The following DDIAS variants were observed in gnomAD, a reference collection of about 807,000 sequenced individuals.
The protein encoded by DDIAS is DNA damage induced apoptosis suppressor, also known as DNA damage-induced apoptosis suppressor protein.
A neutral mutation model predicts 15.7 loss-of-function variants in DDIAS; 14 were observed. The observed-to-expected ratio is 0.89, with a 90% CI of 0.59 to 1.39. DDIAS has a LOEUF of 1.39. Among genes scored for constraint, DDIAS ranks in the 40% most tolerant of loss-of-function variants. The probability of loss-of-function intolerance (pLI) is 0.00; values close to 1 mark genes in which losing one functional copy is unlikely to be tolerated. For missense variants in DDIAS, 1,035 were observed against 1,130.9 expected (o/e 0.92, Z 1.22); for synonymous variants, 355 against 395.9 (o/e 0.90, Z 1.23).
rs1861080945 is a variant in DDIAS, at chr11:82,934,576, A to AATATTGTTAAG, written c.*244_*254dup. The AATATTGTTAAG allele has an allele frequency of 8.1e-6, 3 of 368,670 alleles. No homozygotes were observed. The East Asian group carries it at 1.2e-4, about 15-fold the overall frequency. 22.8% of individuals were successfully genotyped at this position (368,670 alleles called of 1,614,324 possible). The stretch of plus-strand genomic sequence containing the variant: ...CTTATACTGTTTATTGTACTTTAAT[A>AATATTGTTAAG]ATATTGTTAAGATTGTTTTTGAAAG... On this transcript the variant is annotated 3_prime_UTR_variant, in exon 6 of 6. Coordinates refer to ENST00000533655, the MANE Select transcript of DDIAS (RefSeq NM_145018.4).
At chr11:82,917,651 A>C (rs565241614) in intron 3 of DDIAS, among the ~76,000 whole-genome samples, 1 of 152,114 alleles carries the variant, frequency 6.6e-6, no homozygotes, top group Non-Finnish European at 1.5e-5. Flanking sequence ...TTTTCCTCTG[A>C]GTAGATACCC....
intron 3 of DDIAS, among the ~76,000 whole-genome samples, chr11:82,924,114 T>C (rs565688445): frequency 3.1e-4 from 47 of 152,360 alleles, no homozygotes; most frequent in African/African-American, 1.0e-3. Context: ...AAAAAGTTTA[T>C]ATCATTTACT....
intron 3 of DDIAS, among the ~76,000 whole-genome samples, chr11:82,921,569 TTC>T (rs1860749223): frequency 6.9e-6 from 1 of 145,474 alleles, no homozygotes; most frequent in Non-Finnish European, 1.5e-5. Flanking sequence ...TTTTCTTTCT[TTC>T]TTTTTTTTTT....
Position 82,933,865 on chromosome 11 carries a change from T to G in DDIAS, c.2527T>G (p.Ser843Ala). The G allele has an allele frequency of 6.2e-7, 1 of 1,614,080 alleles. No individual in the cohort carries two copies. Among genetic ancestry groups the G allele is most frequent in the Non-Finnish European group, 8.5e-7 (1 of 1,179,988 alleles). The change falls in exon 6 of 6, where the codon TCA (serine) becomes GCA (alanine). Residue 843 changes from serine (S) to alanine (A), a missense_variant. Coordinates refer to ENST00000533655, the MANE Select transcript of DDIAS (RefSeq NM_145018.4). ...KIRSPIVSGV[S>A]QPDVFNHYPF... is the part of the protein sequence containing the mutation. ...CAGAAGCCCTATTGTATCTGGTGTTTCACAACCAGACGTTTTCAATCACTA... is the reference window on the plus strand; with the variant it reads ...CAGAAGCCCTATTGTATCTGGTGTTGCACAACCAGACGTTTTCAATCACTA...
intron 3 of DDIAS, among the ~76,000 whole-genome samples, chr11:82,915,783 C>G (rs1027214146): frequency 3.3e-5 from 5 of 152,128 alleles, no homozygotes; most frequent in Non-Finnish European, 7.4e-5. Flanking sequence ...TAGGTTCACC[C>G]CTTTTCAGGT....
In DDIAS at chr11:82,925,903, G is replaced by A. The variant is rs1020799928; in HGVS notation, c.114-2874G>A. On this transcript the variant is annotated intron_variant, in intron 3 of 5. Transcript: ENST00000533655. ...ATCGGGAGGCTGAGGCAGGAGAATC[G>A]CCTGAACCCAAGAGGTGGAGGTTGC... Among the ~76,000 whole-genome samples the A allele has an allele frequency of 6.0e-5, 9 of 151,202 alleles. No individual in the cohort carries two copies. In the South Asian group the frequency reaches 1.0e-3, roughly 18 times the overall value.
In DDIAS at chr11:82,932,540, C is replaced by T. The variant is rs768893497; in HGVS notation, c.1202C>T (p.Thr401Ile). ...CCTTCGTTACTCAGACTTGAAGAGA[C>T]AGCCAGCAGTTCCCAGGATGGTGAC... is the stretch of plus-strand genomic sequence containing the variant. ...CPPSLLRLEE[T>I]ASSSQDGDPQ... The change falls in exon 6 of 6, where the codon ACA becomes ATA. Residue 401 changes from threonine (T) to isoleucine (I), a missense_variant. By Grantham distance (89) the Thr-to-Ile change is moderately conservative. Transcript: ENST00000533655. 6.2e-7 allele frequency: 1 copy of T among 1,614,200 alleles called. No homozygotes were observed.
At chr11:82,923,917 T>G (rs745886853) in intron 3 of DDIAS, among the ~76,000 whole-genome samples, 1 of 152,214 alleles carries the variant, frequency 6.6e-6, no homozygotes, top group East Asian at 1.9e-4. Context: ...GATTATAAGC[T>G]GGAGAAGGGA....
chr11:82,912,157 C>T (rs1384567131), intron 1 of DDIAS, among the ~76,000 whole-genome samples: 3 of 152,174 alleles, frequency 2.0e-5, no homozygotes, highest in Admixed American at 1.3e-4. Context: ...AGTATCAAGA[C>T]ACCAGCTGCA....
Position 82,932,771 on chromosome 11 carries a change from C to A in DDIAS, c.1433C>A (p.Ala478Asp), listed in dbSNP as rs1265137397. Residue 478 changes from alanine (A) to aspartate (D), a missense_variant, in exon 6 of 6, where the codon GCT (alanine) becomes GAT (aspartate). Transcript: ENST00000533655. Reference sequence around the variant, plus strand: ...GGAGCCCTGCATACACCACCTATAGCTTTAAGATCATCACAAGTAATAGTC... The same window carrying A: ...GGAGCCCTGCATACACCACCTATAGATTTAAGATCATCACAAGTAATAGTC... Reference protein sequence around the residue: ...TTGALHTPPIALRSSQVIVKA... With the variant: ...TTGALHTPPIDLRSSQVIVKA... 1 of 1,613,942 alleles carries A rather than the reference C, an allele frequency of 6.2e-7. No homozygotes were observed.
chr11:82,933,449 G>A lies in DDIAS; in HGVS notation c.2111G>A (p.Trp704Ter). 12 of 1,613,784 alleles carry A rather than the reference G, an allele frequency of 7.4e-6. No homozygotes were observed. Among genetic ancestry groups the A allele is most frequent in the Non-Finnish European group, 9.3e-6 (11 of 1,179,936 alleles). The change falls in exon 6 of 6, where the codon TGG becomes TAG. Residue 704 changes from tryptophan to a stop codon, truncating the protein, a stop_gained. Coordinates refer to ENST00000533655, the MANE Select transcript of DDIAS (RefSeq NM_145018.4). LOFTEE classifies it low-confidence loss of function (END_TRUNC). ...AAATCACAGGATATTTTGTTAAAATGGGGAACATCTTTGGCAGAAAGTCAC... is the reference window on the plus strand; with the variant it reads ...AAATCACAGGATATTTTGTTAAAATAGGGAACATCTTTGGCAGAAAGTCAC... ...TKKSQDILLK[W>*]GTSLAESHPS... is the part of the protein sequence containing the mutation.
intron 3 of DDIAS, among the ~76,000 whole-genome samples, chr11:82,921,498 A>T (rs1446853655): frequency 1.4e-5 from 2 of 144,296 alleles, no homozygotes; most frequent in Non-Finnish European, 3.0e-5. Flanking sequence ...CTTTTAAGAG[A>T]TTCTGTTTTT....
chr11:82,930,392 T>A, intron 5 of DDIAS, 118 bp downstream of exon 5: 1 of 713,680 alleles, frequency 1.4e-6, no homozygotes, highest in African/African-American at 1.8e-5. Flanking sequence ...TAGAAACACT[T>A]TAAACTATGT....
intron 3 of DDIAS, among the ~76,000 whole-genome samples, chr11:82,916,577 C>A (rs1860636197): frequency 6.6e-6 from 1 of 152,150 alleles, no homozygotes; most frequent in South Asian, 2.1e-4. Context: ...TTTTAAAACT[C>A]TTTCTTTCCA....
intron 5 of DDIAS, among the ~76,000 whole-genome samples, chr11:82,930,754 A>AAAG (rs1555025196): frequency 5.5e-4 from 83 of 150,762 alleles, no homozygotes; most frequent in Admixed American, 6.6e-4. Flanking sequence ...GTTAAAAAAA[A>AAAG]AAGAAGTTAC....
At chr11:82,927,800 G>C (rs1860893438) in intron 3 of DDIAS, among the ~76,000 whole-genome samples, 2 of 152,130 alleles carry the variant, frequency 1.3e-5, no homozygotes. Flanking sequence ...AATTATGAGG[G>C]AGAAGCAGAC....
chr11:82,920,003 G>A lies in DDIAS; in HGVS notation c.113+5152G>A, dbSNP rs189680302. 2.9e-3 allele frequency among the ~76,000 whole-genome samples: 449 copies of A among 152,282 alleles called. 1 individual carries two copies. The highest frequency in any genetic ancestry group is 9.6e-3 in the African/African-American group (398 of 41,564). ...CTCCCAAAGCGCTGGGATTACAGGC[G>A]TGAGGCACCACGCCCGGCCTTTTGT... On this transcript the variant is annotated intron_variant, in intron 3 of 5. Coordinates refer to ENST00000533655, the MANE Select transcript of DDIAS (RefSeq NM_145018.4).
Position 82,905,244 on chromosome 11 carries a change from C to T in DDIAS, c.-117+3422C>T, listed in dbSNP as rs142609024. Among the ~76,000 whole-genome samples the T allele has an allele frequency of 8.2e-3, 1,245 of 152,224 alleles. 13 individuals are homozygous for T. The highest frequency in any genetic ancestry group is 0.011 in the Non-Finnish European group (719 of 67,984). ...ACTGAGGCCTTAATTAGTTCTGCCC[C>T]AACACTTACACTTTTGTCCCTCTTT... On this transcript the variant is annotated intron_variant, in intron 1 of 5. Transcript: ENST00000533655.
intron 1 of DDIAS, among the ~76,000 whole-genome samples, chr11:82,905,433 A>G (rs1212529330): frequency 1.3e-5 from 2 of 152,190 alleles, no homozygotes; most frequent in African/African-American, 4.8e-5. Context: ...TTTTCTAATT[A>G]TAAAAGCAAT....
Sources: gnomAD v4.1 joint callset for allele counts (sites outside exome capture counted in the v4.1 genomes callset) on GRCh38, gnomAD v4.1.1 for gene constraint, MANE v1.5 for transcripts, NCBI Gene and HGNC (gene_info 2026-07-23, HGNC 2026-07-21) for gene names.